PRKAG2: variants seen among roughly 807,000 people sequenced by gnomAD.
PRKAG2 encodes protein kinase AMP-activated non-catalytic subunit gamma 2.
A neutral mutation model predicts 69.6 loss-of-function variants in PRKAG2; 26 were observed. The observed-to-expected ratio is 0.37, with a 90% confidence interval of 0.27 to 0.52. The LOEUF (loss-of-function observed/expected upper bound fraction) is 0.52. Among genes scored for constraint, PRKAG2 ranks in the 20% least tolerant of loss-of-function variants. The pLI, the probability that PRKAG2 is intolerant of heterozygous loss-of-function variation, is 0.90. For synonymous variants in PRKAG2, 293 were observed against 285.0 expected (o/e 1.03, Z -0.28); for missense variants, 557 against 740.0 (o/e 0.75, Z 2.87).
chr7:151,741,032 CAA>C (rs2073846533), intron 3 of PRKAG2, among the ~76,000 whole-genome samples: 1 of 152,090 alleles, frequency 6.6e-6, no homozygotes, highest in Non-Finnish European at 1.5e-5. Context: ...CAGCTTCTAA[CAA>C]AAATTGTTTT....
At chr7:151,670,033 T>TGCATGCACACACACCTGTGCACATACCC (rs1453571038) in intron 4 of PRKAG2, among the ~76,000 whole-genome samples, 1 of 119,212 alleles carries the variant, frequency 8.4e-6, no homozygotes, top group Admixed American at 8.5e-5. Context: ...CACACACACC[T>TGCATGCACACACACCTGTGCACATACCC]GCATGCACAC....
At chr7:151,804,785 T>A (rs1231459805) in intron 1 of PRKAG2, among the ~76,000 whole-genome samples, 1 of 152,208 alleles carries the variant, frequency 6.6e-6, no homozygotes, top group Non-Finnish European at 1.5e-5. Context: ...CCTGTGGAAC[T>A]GCTTCTCAAA....
intron 1 of PRKAG2, among the ~76,000 whole-genome samples, chr7:151,834,061 A>C (rs2079095395): frequency 7.0e-6 from 1 of 143,504 alleles, no homozygotes; most frequent in South Asian, 2.1e-4. Flanking sequence ...CAGTTTCTGG[A>C]GGAAAAAAAA....
At chr7:151,809,213 G>A (rs1370378531) in intron 1 of PRKAG2, 1 of 456,610 alleles carries the variant, frequency 2.2e-6, no homozygotes. Context: ...GGGTGAGTGG[G>A]CTTCTGGAAT....
intron 8 of PRKAG2, among the ~76,000 whole-genome samples, chr7:151,573,160 G>GTT (rs770975155): frequency 0.14 from 19,073 of 139,624 alleles, 1,412 homozygotes; most frequent in African/African-American, 0.17. Flanking sequence ...TGTATCTCAA[G>GTT]TTTTTTTTTT....
At chr7:151,558,525 G>C (rs1198694951) in intron 15 of PRKAG2, 2 of 948,858 alleles carry the variant, frequency 2.1e-6, no homozygotes, top group Admixed American at 1.2e-4. Context: ...GACAGCGCTC[G>C]GGTGGGACAG....
At chr7:151,736,204 G>C (rs1234122920) in intron 3 of PRKAG2, 31 of 1,405,644 alleles carry the variant, frequency 2.2e-5, no homozygotes, top group Admixed American at 2.9e-5. Flanking sequence ...CGCAGCCCCA[G>C]AGTCTGTGAG....
chr7:151,846,773 G>A (rs1211146639), intron 1 of PRKAG2, among the ~76,000 whole-genome samples: 1 of 152,182 alleles, frequency 6.6e-6, no homozygotes, highest in Non-Finnish European at 1.5e-5. Flanking sequence ...AACCACCATA[G>A]GGCTTCATAA....
intron 3 of PRKAG2, among the ~76,000 whole-genome samples, chr7:151,717,284 C>T (rs1796342414): frequency 6.6e-6 from 1 of 151,516 alleles, no homozygotes; most frequent in Non-Finnish European, 1.5e-5. Flanking sequence ...AAGAGGTTGC[C>T]TTCATAAAGC....
chr7:151,865,356 GCC>G (rs929227031), intron 1 of PRKAG2, among the ~76,000 whole-genome samples: 1 of 152,266 alleles, frequency 6.6e-6, no homozygotes, highest in Non-Finnish European at 1.5e-5. Context: ...GGCCAAGCCA[GCC>G]CCAACCACGA....
At chr7:151,741,169 T>C (rs958128706) in intron 3 of PRKAG2, among the ~76,000 whole-genome samples, 9 of 151,902 alleles carry the variant, frequency 5.9e-5, no homozygotes, top group African/African-American at 1.9e-4. Flanking sequence ...GCCATGATCC[T>C]GCCACTGCAC....
intron 3 of PRKAG2, chr7:151,734,188 C>T (rs1273793546): frequency 2.0e-5 from 3 of 152,250 alleles, no homozygotes; most frequent in African/African-American, 7.2e-5. Context: ...CCTGCAGACG[C>T]TTCCAGGAGA....
Position 151,661,409 on chromosome 7 carries a change from C to G in PRKAG2, c.684+14011G>C, listed in dbSNP as rs1860731. 8.3e-4 allele frequency among the ~76,000 whole-genome samples: 126 copies of G among 152,050 alleles called. 1 individual carries two copies. Among genetic ancestry groups the G allele is most frequent in the Admixed American group, 4.2e-3 (64 of 15,276 alleles). ...GTCAGGCTGGTCTTGAACTCCTGAC[C>G]TCATATGATCCAACCCCCCACCTTG... On this transcript the variant is annotated intron_variant, in intron 4 of 15. Transcript: ENST00000287878.
intron 3 of PRKAG2, among the ~76,000 whole-genome samples, chr7:151,709,698 CACTG>C (rs1210436898): frequency 6.6e-6 from 1 of 151,714 alleles, no homozygotes; most frequent in African/African-American, 2.4e-5. Flanking sequence ...ACACACATAA[CACTG>C]ACACTGACAA....
At chr7:151,745,385 A>G (rs565485712) in intron 3 of PRKAG2, among the ~76,000 whole-genome samples, 1 of 152,316 alleles carries the variant, frequency 6.6e-6, no homozygotes, top group East Asian at 1.9e-4. Flanking sequence ...TGACTCTGAG[A>G]TCGCCACGTC....
At chr7:151,666,719 C>T (rs1254776651) in intron 4 of PRKAG2, among the ~76,000 whole-genome samples, 2 of 152,140 alleles carry the variant, frequency 1.3e-5, no homozygotes, top group East Asian at 1.9e-4. Flanking sequence ...GGCAAGGGGC[C>T]GTAGTTCCTC....
intron 1 of PRKAG2, among the ~76,000 whole-genome samples, chr7:151,815,236 G>A (rs1056623137): frequency 6.6e-6 from 1 of 152,126 alleles, no homozygotes; most frequent in African/African-American, 2.4e-5. Flanking sequence ...GAGACAACAT[G>A]GTCTCTGCCT....
intron 1 of PRKAG2, among the ~76,000 whole-genome samples, chr7:151,846,229 C>T (rs1049152690): frequency 6.6e-6 from 1 of 152,136 alleles, no homozygotes; most frequent in African/African-American, 2.4e-5. Context: ...AATCCCAGCA[C>T]TTTGGGGGTG....
In PRKAG2 at chr7:151,568,829, C is replaced by T; in HGVS notation, c.1120G>A (p.Val374Ile). 2 of 1,613,844 alleles carry T rather than the reference C, an allele frequency of 1.2e-6. No individual in the cohort carries two copies. The highest frequency in any genetic ancestry group is 2.7e-5 in the African/African-American group (2 of 75,036). The change falls in exon 11 of 16, where the codon GTA (valine) becomes ATA (isoleucine). Residue 374 changes from valine to isoleucine, a missense_variant. This residue lies in a region of PRKAG2 where 205 missense variants were observed against 383.4 expected (regional missense o/e 0.53). Coordinates refer to ENST00000287878, the MANE Select transcript of PRKAG2 (RefSeq NM_016203.4). ...ATTTTATTTTTGATCAAGGAGTATA[C>T]AGCATCGAAGAGGCTGTGGGAGAAG... is the stretch of plus-strand genomic sequence containing the variant. Reference protein sequence around the residue: ...ISPDASLFDAVYSLIKNKIHR... With the variant: ...ISPDASLFDAIYSLIKNKIHR...
Sources: allele counts gnomAD v4.1 joint callset (sites outside exome capture counted in the v4.1 genomes callset), GRCh38; gene constraint gnomAD v4.1.1; regional missense constraint gnomAD v4.1.1; transcripts MANE v1.5; gene names NCBI Gene and HGNC (gene_info 2026-07-23, HGNC 2026-07-21).